SLC9D1: variants seen among roughly 807,000 people sequenced by gnomAD.
SLC9D1 encodes solute carrier family 9 member D1.
chr13:113,502,257 G>A, the SLC9D1 span, among the ~76,000 whole-genome samples: 19 of 152,096 alleles, frequency 1.2e-4, 1 homozygote, highest in South Asian at 2.5e-3. Flanking sequence ...ACTGTCACCC[G>A]GGCTGGAGTG....
At chr13:113,509,607 G>A in the SLC9D1 span, among the ~76,000 whole-genome samples, 1 of 152,242 alleles carries the variant, frequency 6.6e-6, no homozygotes, top group Non-Finnish European at 1.5e-5. Context: ...TGGAATTAGG[G>A]AATTGATGCT....
chr13:113,543,105 C>T, the SLC9D1 span, among the ~76,000 whole-genome samples: 1 of 116,470 alleles, frequency 8.6e-6, no homozygotes, highest in Non-Finnish European at 1.8e-5. Flanking sequence ...CACCTCCTCC[C>T]CCTGCCCCCA....
At chr13:113,500,217 C>CT in the SLC9D1 span, 1 of 1,041,584 alleles carries the variant, frequency 9.6e-7, no homozygotes, top group Non-Finnish European at 1.3e-6. Context: ...TATGACCGAG[C>CT]TTTATCTTCT....
chr13:113,511,162 G>T, the SLC9D1 span, among the ~76,000 whole-genome samples: 1 of 129,226 alleles, frequency 7.7e-6, no homozygotes, highest in Non-Finnish European at 1.6e-5. Flanking sequence ...GGCTTGGCAG[G>T]TGGCTGTTTC....
the SLC9D1 span, chr13:113,547,496 T>C: frequency 1.3e-6 from 1 of 795,826 alleles, no homozygotes; most frequent in Non-Finnish European, 2.1e-6. Context: ...CTGCTCCTCA[T>C]CTCGGAGGAG....
At chr13:113,544,423 G>A in the SLC9D1 span, among the ~76,000 whole-genome samples, 4 of 151,410 alleles carry the variant, frequency 2.6e-5, no homozygotes, top group Non-Finnish European at 5.9e-5. Context: ...CCCAGGTTTC[G>A]GAGCAGGTGG....
the SLC9D1 span, among the ~76,000 whole-genome samples, chr13:113,517,884 G>A: frequency 6.6e-6 from 1 of 151,106 alleles, no homozygotes; most frequent in Admixed American, 6.6e-5. Context: ...AGGGAAGAGG[G>A]GCCCCACAGC....
chr13:113,547,302 C>T, the SLC9D1 span: 2 of 1,613,660 alleles, frequency 1.2e-6, no homozygotes, highest in Non-Finnish European at 1.7e-6. Flanking sequence ...CCCAACAGGG[C>T]TCCACGTGTT....
chr13:113,498,676 T>G, the SLC9D1 span: 1 of 591,946 alleles, frequency 1.7e-6, no homozygotes, highest in Non-Finnish European at 2.8e-6. Context: ...AATTTGGTCT[T>G]GTAGAAGTAA....
At chr13:113,540,247 C>T in the SLC9D1 span, among the ~76,000 whole-genome samples, 1 of 152,088 alleles carries the variant, frequency 6.6e-6, no homozygotes, top group Non-Finnish European at 1.5e-5. Context: ...TTCCTTTGGG[C>T]GCAAACTCAG....
chr13:113,508,947 T>G, the SLC9D1 span, among the ~76,000 whole-genome samples: 3 of 147,828 alleles, frequency 2.0e-5, no homozygotes, highest in African/African-American at 5.0e-5. Flanking sequence ...CGGAGCTGCC[T>G]GAGTACGTTG....
At chr13:113,521,172 G>A in the SLC9D1 span, among the ~76,000 whole-genome samples, 3 of 151,970 alleles carry the variant, frequency 2.0e-5, no homozygotes, top group African/African-American at 7.2e-5. Flanking sequence ...GTATGTGTGT[G>A]TATGTATTCA....
chr13:113,514,594 G>T, the SLC9D1 span: 1 of 133,074 alleles, frequency 7.5e-6, no homozygotes, highest in South Asian at 2.4e-4. Flanking sequence ...TGAGATCGAC[G>T]CCATCCACAC....
At chr13:113,494,019 G>A in the SLC9D1 span, among the ~76,000 whole-genome samples, 270 of 152,296 alleles carry the variant, frequency 1.8e-3, no homozygotes, top group African/African-American at 6.2e-3. Context: ...TGGGAAACTC[G>A]ATTAAACCAA....
chr13:113,544,265 A>G, the SLC9D1 span, among the ~76,000 whole-genome samples: 1 of 152,164 alleles, frequency 6.6e-6, no homozygotes, highest in Non-Finnish European at 1.5e-5. Context: ...TGTGCTTCTG[A>G]GTCGAGGCTG....
the SLC9D1 span, among the ~76,000 whole-genome samples, chr13:113,491,927 A>G: frequency 6.6e-6 from 1 of 152,212 alleles, no homozygotes; most frequent in African/African-American, 2.4e-5. Context: ...CGGCTTTTTC[A>G]AAAGGAGTGT....
the SLC9D1 span, among the ~76,000 whole-genome samples, chr13:113,532,160 C>A: frequency 3.3e-5 from 5 of 152,182 alleles, no homozygotes; most frequent in Non-Finnish European, 5.9e-5. Context: ...GAGGACGTTC[C>A]CCATGTGGGG....
chr13:113,502,713 G>A, the SLC9D1 span, among the ~76,000 whole-genome samples: 1 of 152,306 alleles, frequency 6.6e-6, no homozygotes, highest in African/African-American at 2.4e-5. Flanking sequence ...GCCAGAGTGG[G>A]TGCCATGAGT....
At chr13:113,545,310 T>C in the SLC9D1 span, among the ~76,000 whole-genome samples, 1 of 151,996 alleles carries the variant, frequency 6.6e-6, no homozygotes, top group South Asian at 2.1e-4. Context: ...GGGTCCACAG[T>C]GAATGTGGTG....
Sources: allele counts gnomAD v4.1 joint callset (sites outside exome capture counted in the v4.1 genomes callset), GRCh38; gene constraint gnomAD v4.1.1; transcripts MANE v1.5; gene names NCBI Gene and HGNC (gene_info 2026-07-23, HGNC 2026-07-21).